TMTC2: variants seen among roughly 807,000 people sequenced by gnomAD.
TMTC2 encodes transmembrane O-mannosyltransferase targeting cadherins 2, also known as protein O-mannosyl-transferase TMTC2.
Under a neutral mutation model 82.4 loss-of-function variants are expected in TMTC2, and 43 were observed. The ratio of observed to expected loss-of-function variants is 0.52; its 90% CI spans 0.41 to 0.67. The LOEUF (loss-of-function observed/expected upper bound fraction) is 0.67. Ranked by LOEUF, TMTC2 falls within the 30% of genes least tolerant of loss-of-function variation. TMTC2 has a pLI of 0.00. For synonymous variants in TMTC2, 408 were observed against 381.9 expected, an observed-to-expected ratio of 1.07 and a Z score of -0.80; for missense variants, 919 against 1,012.4, an observed-to-expected ratio of 0.91 and a Z score of 1.25.
chr12:82,881,614 A>G (rs1872827687), intron 2 of TMTC2, among the ~76,000 whole-genome samples: 1 of 152,182 alleles, frequency 6.6e-6, no homozygotes, highest in Non-Finnish European at 1.5e-5. Context: ...TTTGTTCCCA[A>G]ACATCTGATG....
chr12:82,825,880 T>A (rs1356593136), intron 1 of TMTC2, among the ~76,000 whole-genome samples: 4 of 146,060 alleles, frequency 2.7e-5, no homozygotes, highest in Non-Finnish European at 4.4e-5. Context: ...ACACACACAC[T>A]CTCACACAGT....
chr12:82,724,301 G>A (rs1422545343), intron 1 of TMTC2, among the ~76,000 whole-genome samples: 2 of 152,284 alleles, frequency 1.3e-5, no homozygotes, highest in African/African-American at 2.4e-5. Flanking sequence ...AATTAATGCT[G>A]CTTATTAGAC....
intron 11 of TMTC2, among the ~76,000 whole-genome samples, chr12:83,130,402 A>G (rs1286225203): frequency 1.3e-5 from 2 of 152,134 alleles, no homozygotes; most frequent in Non-Finnish European, 1.5e-5. Context: ...ATTTAGAGCT[A>G]TGTTTATTTG....
intron 1 of TMTC2, among the ~76,000 whole-genome samples, chr12:82,763,371 T>C (rs1302754902): frequency 6.6e-6 from 1 of 152,176 alleles, no homozygotes; most frequent in Non-Finnish European, 1.5e-5. Context: ...AAAGGTCACT[T>C]AGGGGAATTA....
At chr12:82,861,049 T>G (rs1871518848) in intron 2 of TMTC2, among the ~76,000 whole-genome samples, 1 of 152,232 alleles carries the variant, frequency 6.6e-6, no homozygotes, top group African/African-American at 2.4e-5. Flanking sequence ...TCTTGCCAAT[T>G]AACTCTGCAT....
chr12:82,965,186 G>A, intron 5 of TMTC2, 77 bp downstream of exon 5: 1 of 1,088,698 alleles, frequency 9.2e-7, no homozygotes, highest in East Asian at 2.4e-5. Flanking sequence ...CAGCCTCACT[G>A]AGAAAACACT....
At chr12:83,086,121 G>A (rs1411658150) in intron 11 of TMTC2, among the ~76,000 whole-genome samples, 2 of 152,048 alleles carry the variant, frequency 1.3e-5, no homozygotes, top group South Asian at 2.1e-4. Context: ...AACTTGGGGA[G>A]GGTAGAAAAA....
At chr12:83,096,667 G>A (rs891957766) in intron 11 of TMTC2, among the ~76,000 whole-genome samples, 1 of 152,088 alleles carries the variant, frequency 6.6e-6, no homozygotes, top group Non-Finnish European at 1.5e-5. Context: ...TAGAACAGCA[G>A]GAGAAAGACT....
chr12:82,784,673 G>A (rs1261593071), intron 1 of TMTC2, among the ~76,000 whole-genome samples: 4 of 152,114 alleles, frequency 2.6e-5, no homozygotes, highest in African/African-American at 4.8e-5. Flanking sequence ...CTTCCGTCTT[G>A]AAGTCTGAAA....
chr12:82,951,148 A>G (rs548164338), intron 4 of TMTC2, among the ~76,000 whole-genome samples: 3 of 152,316 alleles, frequency 2.0e-5, no homozygotes, highest in South Asian at 2.1e-4. Context: ...TTGGAGACCT[A>G]TGTAATAGAA....
At chr12:83,110,460 CCTT>C (rs1326198468) in intron 11 of TMTC2, among the ~76,000 whole-genome samples, 2 of 152,146 alleles carry the variant, frequency 1.3e-5, no homozygotes, top group African/African-American at 4.8e-5. Flanking sequence ...AGATTTCTCT[CCTT>C]CTCTATAGCT....
chr12:82,781,152 A>G lies in TMTC2; in HGVS notation c.84-75858A>G, dbSNP rs182676216. Among the ~76,000 whole-genome samples the G allele has an allele frequency of 1.9e-3, 286 of 152,228 alleles. 1 individual carries two copies. Among genetic ancestry groups the G allele is most frequent in the African/African-American group, 6.5e-3 (270 of 41,574 alleles). On this transcript the variant is annotated intron_variant, in intron 1 of 11. Transcript: ENST00000321196. ...GATTTGAGCAAAAGCAGGATTAAAA[A>G]CAAGACAACAAACAAAATAGGACAC...
intron 11 of TMTC2, among the ~76,000 whole-genome samples, chr12:83,088,774 A>G (rs915827030): frequency 6.6e-6 from 1 of 152,222 alleles, no homozygotes; most frequent in African/African-American, 2.4e-5. Context: ...AGCATTTGAA[A>G]TGGCAAGACT....
intron 1 of TMTC2, among the ~76,000 whole-genome samples, chr12:82,797,935 A>ATT (rs72046660): frequency 2.5e-4 from 31 of 121,822 alleles, no homozygotes; most frequent in Non-Finnish European, 3.2e-4. Context: ...AACCACCCTA[A>ATT]TTTTTTTTTT....
intron 4 of TMTC2, among the ~76,000 whole-genome samples, chr12:82,948,320 A>C (rs536303827): frequency 1.7e-4 from 26 of 152,170 alleles, no homozygotes; most frequent in African/African-American, 6.0e-4. Context: ...AGCCATGCTT[A>C]TACCACTGCA....
At chr12:82,731,564 A>G (rs1874810465) in intron 1 of TMTC2, among the ~76,000 whole-genome samples, 1 of 152,256 alleles carries the variant, frequency 6.6e-6, no homozygotes, top group Non-Finnish European at 1.5e-5. Context: ...GGCATCAGAA[A>G]GCCGACATAG....
At chr12:82,751,723 G>A (rs974583216) in intron 1 of TMTC2, among the ~76,000 whole-genome samples, 2 of 152,100 alleles carry the variant, frequency 1.3e-5, no homozygotes, top group African/African-American at 2.4e-5. Context: ...ATGAATGTAT[G>A]TGAATATTAA....
chr12:83,129,312 A>G (rs1429647856), intron 11 of TMTC2, among the ~76,000 whole-genome samples: 4 of 152,174 alleles, frequency 2.6e-5, no homozygotes, highest in African/African-American at 9.6e-5. Flanking sequence ...CATGGTAACT[A>G]TGATTATTTT....
chr12:83,100,507 C>T (rs1303381208), intron 11 of TMTC2, among the ~76,000 whole-genome samples: 2 of 152,042 alleles, frequency 1.3e-5, no homozygotes, highest in East Asian at 1.9e-4. Context: ...TTCAGATATT[C>T]GTATCCCAAT....
Sources: allele counts gnomAD v4.1 joint callset (sites outside exome capture counted in the v4.1 genomes callset), GRCh38; gene constraint gnomAD v4.1.1; transcripts MANE v1.5; gene names NCBI Gene and HGNC (gene_info 2026-07-23, HGNC 2026-07-21).